The following PDE7B variants were observed in gnomAD, a reference collection of about 807,000 sequenced individuals.
PDE7B encodes phosphodiesterase 7B.
PDE7B carries 29 observed loss-of-function variants against 56.2 expected under a neutral mutation model. That is an observed-to-expected ratio of 0.52 (90% CI 0.38 to 0.70). The LOEUF (loss-of-function observed/expected upper bound fraction) is 0.70, where lower values mean the gene tolerates loss of function less well. Among genes scored for constraint, PDE7B ranks in the 30% least tolerant of loss-of-function variants. The pLI is 0.00. For synonymous variants in PDE7B, 197 were observed against 196.9 expected (o/e 1.00, Z 0.00); for missense variants, 490 against 565.0 (o/e 0.87, Z 1.35).
Position 136,078,341 on chromosome 6 carries a change from C to A in PDE7B, c.83-30390C>A, listed in dbSNP as rs575587654. ...GTGACTTTCCAACATTTAACTAAGACCATTCAGCCTTCACAACCCATTTGA... is the reference window on the plus strand; with the variant it reads ...GTGACTTTCCAACATTTAACTAAGAACATTCAGCCTTCACAACCCATTTGA... On this transcript the variant is annotated intron_variant, in intron 2 of 12. Transcript: ENST00000308191. Among the ~76,000 whole-genome samples, 15 of 152,206 alleles carry A rather than the reference C, an allele frequency of 9.9e-5. No homozygotes were observed. The South Asian group carries it at 3.1e-3, about 32-fold the overall frequency.
chr6:136,159,382 C>T (rs1778666002), intron 8 of PDE7B, among the ~76,000 whole-genome samples: 1 of 152,194 alleles, frequency 6.6e-6, no homozygotes, highest in Admixed American at 6.5e-5. Context: ...AAGTTTCTGC[C>T]ATCCCCAATC....
chr6:135,884,816 G>A (rs967508665), intron 1 of PDE7B, among the ~76,000 whole-genome samples: 1 of 152,096 alleles, frequency 6.6e-6, no homozygotes, highest in Non-Finnish European at 1.5e-5. Context: ...GTCTTTCACT[G>A]TTTTTCTCGA....
chr6:135,912,212 G>A (rs1776224731), intron 1 of PDE7B, among the ~76,000 whole-genome samples: 1 of 152,042 alleles, frequency 6.6e-6, no homozygotes, highest in Non-Finnish European at 1.5e-5. Flanking sequence ...CTCCTACCTA[G>A]TACAGTTCTC....
Position 135,908,299 on chromosome 6 carries a change from G to A in PDE7B, c.22-39165G>A, listed in dbSNP as rs116178413. Among the ~76,000 whole-genome samples the A allele has an allele frequency of 4.1e-3, 618 of 151,694 alleles. 3 individuals are homozygous for A. The highest frequency in any genetic ancestry group is 0.014 in the African/African-American group (571 of 41,318). ...GGAGAGACCGGGGTTTCTCCATATC[G>A]GTCAGGCTGGTCTCGTATCCCAACC... On this transcript the variant is annotated intron_variant, in intron 1 of 12. Transcript: ENST00000308191.
At chr6:135,934,394 G>T (rs544811330) in intron 1 of PDE7B, among the ~76,000 whole-genome samples, 21 of 151,884 alleles carry the variant, frequency 1.4e-4, no homozygotes, top group African/African-American at 5.1e-4. Flanking sequence ...ATTTAATTTT[G>T]GTAATATTTG....
chr6:135,877,126 T>C (rs893129506), intron 1 of PDE7B, among the ~76,000 whole-genome samples: 25 of 152,304 alleles, frequency 1.6e-4, no homozygotes, highest in African/African-American at 5.8e-4. Flanking sequence ...TCTATAATTT[T>C]GATCTTTTCC....
chr6:136,108,600 C>G, intron 2 of PDE7B, 131 bp from the exon 3 acceptor site: 1 of 699,188 alleles, frequency 1.4e-6, no homozygotes, highest in Non-Finnish European at 2.6e-6. Flanking sequence ...CCACATAGCA[C>G]TCTTCAGTAT....
At chr6:135,956,102 G>T (rs530458681) in intron 2 of PDE7B, among the ~76,000 whole-genome samples, 1 of 152,220 alleles carries the variant, frequency 6.6e-6, no homozygotes, top group East Asian at 1.9e-4. Flanking sequence ...GGGTTGGGCA[G>T]GTTCAAAAGG....
intron 2 of PDE7B, among the ~76,000 whole-genome samples, chr6:136,052,974 T>G (rs566585762): frequency 6.4e-4 from 98 of 152,284 alleles, no homozygotes; most frequent in African/African-American, 2.1e-3. Context: ...CCTATCCCAT[T>G]GGCTCCACTG....
At chr6:135,956,689 A>G (rs1774800474) in intron 2 of PDE7B, among the ~76,000 whole-genome samples, 1 of 152,104 alleles carries the variant, frequency 6.6e-6, no homozygotes, top group South Asian at 2.1e-4. Flanking sequence ...CTGAGGTGGG[A>G]AGATCCATTG....
chr6:135,964,505 TC>T (rs926875784), intron 2 of PDE7B, among the ~76,000 whole-genome samples: 1 of 152,156 alleles, frequency 6.6e-6, no homozygotes, highest in African/African-American at 2.4e-5. Flanking sequence ...TCATTGTGAC[TC>T]CAAAGAGCAG....
chr6:135,869,124 G>T (rs1056301719), intron 1 of PDE7B, among the ~76,000 whole-genome samples: 3 of 152,142 alleles, frequency 2.0e-5, no homozygotes, highest in Non-Finnish European at 4.4e-5. Context: ...GGTATATGAT[G>T]TTAGTCTTTT....
chr6:136,093,356 T>C (rs549070279), intron 2 of PDE7B, among the ~76,000 whole-genome samples: 218 of 152,340 alleles, frequency 1.4e-3, no homozygotes, highest in Non-Finnish European at 2.3e-3. Context: ...TCCCAAATAG[T>C]CCTTTCCAAA....
chr6:135,980,467 T>C (rs1383777160), intron 2 of PDE7B, among the ~76,000 whole-genome samples: 3 of 151,130 alleles, frequency 2.0e-5, no homozygotes, highest in Non-Finnish European at 3.0e-5. Context: ...AAAGAGCTTC[T>C]GCACAGCAAA....
chr6:136,081,834 T>A (rs184833837), intron 2 of PDE7B, among the ~76,000 whole-genome samples: 1 of 152,378 alleles, frequency 6.6e-6, no homozygotes. Context: ...ATATTCTTTG[T>A]ACATTTATGT....
intron 2 of PDE7B, among the ~76,000 whole-genome samples, chr6:136,038,981 A>G (rs1254383026): frequency 1.3e-5 from 2 of 152,182 alleles, no homozygotes; most frequent in Non-Finnish European, 2.9e-5. Context: ...TGCCATTTAC[A>G]GCATGTATTA....
At chr6:135,878,146 A>T (rs1240879137) in intron 1 of PDE7B, among the ~76,000 whole-genome samples, 1 of 152,172 alleles carries the variant, frequency 6.6e-6, no homozygotes, top group African/African-American at 2.4e-5. Flanking sequence ...ATATCCTGTT[A>T]GTTGCCACGT....
intron 2 of PDE7B, among the ~76,000 whole-genome samples, chr6:135,991,080 G>C (rs1045493095): frequency 6.6e-6 from 1 of 152,198 alleles, no homozygotes; most frequent in Non-Finnish European, 1.5e-5. Flanking sequence ...TCATGGCACT[G>C]GTGGGAGTGT....
chr6:136,095,577 T>C (rs1042436565), intron 2 of PDE7B: 1 of 152,220 alleles, frequency 6.6e-6, no homozygotes. Flanking sequence ...CATTGACTTC[T>C]TTGTGATACG....
Sources: gnomAD v4.1 joint callset for allele counts (sites outside exome capture counted in the v4.1 genomes callset) on GRCh38, gnomAD v4.1.1 for gene constraint, MANE v1.5 for transcripts, NCBI Gene and HGNC (gene_info 2026-07-23, HGNC 2026-07-21) for gene names.